The following ZNF644 variants were observed in gnomAD, a reference collection of about 807,000 sequenced individuals.
ZNF644 encodes the protein zinc finger motif enhancer binding protein 2.
A neutral mutation model predicts 108.0 loss-of-function variants in ZNF644; 20 were observed. The observed-to-expected ratio is 0.19, with a 90% CI of 0.13 to 0.27. The LOEUF is 0.27. ZNF644 is among the 10% of genes least tolerant of loss of function. ZNF644 has a pLI of 1.00. For synonymous variants in ZNF644, 542 were observed against 539.1 expected (o/e 1.01, Z -0.08); for missense variants, 1,338 against 1,548.9 (o/e 0.86, Z 2.29).
At chr1:90,998,265 T>A (rs1658379578) in intron 1 of ZNF644, among the ~76,000 whole-genome samples, 2 of 152,142 alleles carry the variant, frequency 1.3e-5, no homozygotes, top group South Asian at 4.1e-4. Context: ...GGGTCCCTGA[T>A]CCCTGAGTAG....
chr1:91,009,262 C>A (rs182928193), intron 1 of ZNF644, among the ~76,000 whole-genome samples: 1 of 152,136 alleles, frequency 6.6e-6, no homozygotes, highest in East Asian at 1.9e-4. Context: ...TATACTAAAA[C>A]GTGGTATCTT....
chr1:90,932,609 C>G (rs1459035168), intron 4 of ZNF644, among the ~76,000 whole-genome samples: 1 of 151,848 alleles, frequency 6.6e-6, no homozygotes, highest in Non-Finnish European at 1.5e-5. Context: ...TGCTTTATAA[C>G]AGTGATATTG....
chr1:90,932,791 A>C (rs1650889219), intron 4 of ZNF644, among the ~76,000 whole-genome samples: 1 of 152,106 alleles, frequency 6.6e-6, no homozygotes, highest in African/African-American at 2.4e-5. Flanking sequence ...TGAGGGAAAA[A>C]ATGTTTCAGA....
intron 1 of ZNF644, among the ~76,000 whole-genome samples, chr1:90,983,096 C>T (rs1295487504): frequency 6.6e-6 from 1 of 152,102 alleles, no homozygotes; most frequent in Non-Finnish European, 1.5e-5. Context: ...TCCTCCTCCC[C>T]ATACCTGAAA....
intron 2 of ZNF644, among the ~76,000 whole-genome samples, chr1:90,941,919 T>C (rs1261590415): frequency 6.6e-6 from 1 of 152,222 alleles, no homozygotes; most frequent in Non-Finnish European, 1.5e-5. Flanking sequence ...ACTGCTTTGC[T>C]CTCAAGATGC....
chr1:90,938,868 T>C lies in ZNF644; in HGVS notation c.2486A>G (p.Tyr829Cys), dbSNP rs1431927199. 5.6e-6 allele frequency: 9 copies of C among 1,613,956 alleles called. No homozygotes were observed. Among genetic ancestry groups the C allele is most frequent in the African/African-American group, 1.3e-5 (1 of 75,070 alleles). ...AGTCATTTTATGCAAAAAATCTGGA[T>C]AGCTATCCAAGTCTTCCCCTCCAAC... ...SSVGGEDLDSYPDFLHKMTVV... is the reference protein window; with the variant it reads ...SSVGGEDLDSCPDFLHKMTVV... Residue 829 changes from tyrosine to cysteine, a missense_variant, in exon 3 of 6, where the codon TAT becomes TGT. Coordinates refer to ENST00000337393, the MANE Select transcript of ZNF644 (RefSeq NM_201269.3). This position sits in a 1 kb window ranked among gnomAD's most constrained non-coding sequence, Gnocchi z 4.2.
intron 2 of ZNF644, among the ~76,000 whole-genome samples, chr1:90,967,191 A>G (rs2101210489): frequency 6.6e-6 from 1 of 151,686 alleles, no homozygotes; most frequent in East Asian, 1.9e-4. Context: ...AAATTCCCCA[A>G]CATGTTCCTC....
chr1:90,971,595 T>C (rs1225448246), intron 2 of ZNF644, among the ~76,000 whole-genome samples: 2 of 152,062 alleles, frequency 1.3e-5, no homozygotes, highest in Non-Finnish European at 2.9e-5. Context: ...AATTTTTGTA[T>C]TTTTGGTAGA....
At chr1:91,013,133 G>A (rs1660113467) in intron 1 of ZNF644, among the ~76,000 whole-genome samples, 2 of 152,050 alleles carry the variant, frequency 1.3e-5, no homozygotes, top group Admixed American at 1.3e-4. Flanking sequence ...GGATGCAGTG[G>A]CATGATCTTG....
intron 1 of ZNF644, among the ~76,000 whole-genome samples, chr1:91,009,332 AGAG>A (rs1659735091): frequency 6.6e-6 from 1 of 152,146 alleles, no homozygotes. Context: ...TTAAAAAAAA[AGAG>A]GATTTAAAAA....
intron 1 of ZNF644, among the ~76,000 whole-genome samples, chr1:90,990,208 G>A (rs575119326): frequency 2.0e-4 from 30 of 152,138 alleles, no homozygotes; most frequent in Non-Finnish European, 4.1e-4. Context: ...CTTTTCCAAA[G>A]TGAAAAAGTT....
At chr1:91,018,494 G>A (rs1032966474) in intron 1 of ZNF644, among the ~76,000 whole-genome samples, 6 of 152,026 alleles carry the variant, frequency 3.9e-5, no homozygotes, top group African/African-American at 7.2e-5. Context: ...CTTCATTCTC[G>A]TTTTATTTTA....
chr1:90,965,751 ACTCT>A (rs113755803), intron 2 of ZNF644, among the ~76,000 whole-genome samples: 1 of 151,502 alleles, frequency 6.6e-6, no homozygotes, highest in African/African-American at 2.4e-5. Context: ...TCTCCCACTA[ACTCT>A]CTCTTTTTTT....
At chr1:91,003,449 C>T (rs1056595795) in intron 1 of ZNF644, among the ~76,000 whole-genome samples, 4 of 152,066 alleles carry the variant, frequency 2.6e-5, no homozygotes, top group Non-Finnish European at 5.9e-5. Flanking sequence ...CCAAACACCA[C>T]CTGTTCTCAC....
chr1:90,998,916 G>A lies in ZNF644; in HGVS notation c.-17-16546C>T, dbSNP rs149838363. On this transcript the variant is annotated intron_variant, in intron 1 of 5. Transcript: ENST00000337393. ...CGTGATGAATGCACAAGCTTCAGTA[G>A]CCGATCTGATCAACTGGAAGAAAGG... Among the ~76,000 whole-genome samples the A allele has an allele frequency of 6.9e-3, 1,052 of 152,292 alleles. 16 individuals carry two copies. The highest frequency in any genetic ancestry group is 0.024 in the African/African-American group (986 of 41,572).
At chr1:90,947,308 T>C (rs1006033746) in intron 2 of ZNF644, among the ~76,000 whole-genome samples, 1 of 152,134 alleles carries the variant, frequency 6.6e-6, no homozygotes, top group Non-Finnish European at 1.5e-5. Context: ...TAGACATATA[T>C]GCACGTGGCT....
chr1:90,941,683 T>C (rs1370076970), intron 2 of ZNF644, among the ~76,000 whole-genome samples: 2 of 152,118 alleles, frequency 1.3e-5, no homozygotes, highest in Admixed American at 6.6e-5. Context: ...CACGTGGAGA[T>C]TGCTAATACA....
intron 1 of ZNF644, among the ~76,000 whole-genome samples, chr1:90,997,183 G>T (rs1001765357): frequency 2.0e-5 from 3 of 152,138 alleles, no homozygotes; most frequent in Admixed American, 6.5e-5. Context: ...ACACGCCCAG[G>T]AAAGACCTAA....
intron 1 of ZNF644, among the ~76,000 whole-genome samples, chr1:90,993,873 G>A (rs930928042): frequency 2.0e-5 from 3 of 152,176 alleles, no homozygotes; most frequent in Non-Finnish European, 4.4e-5. Flanking sequence ...TATAAAAACT[G>A]TTATAGAGCA....
Sources: allele counts gnomAD v4.1 joint callset (sites outside exome capture counted in the v4.1 genomes callset), GRCh38; gene constraint gnomAD v4.1.1; non-coding constraint Gnocchi (gnomAD v3.1); transcripts MANE v1.5; gene names NCBI Gene and HGNC (gene_info 2026-07-23, HGNC 2026-07-21).